ANK2: variants seen among roughly 807,000 people sequenced by gnomAD.
ANK2 encodes the protein ankyrin 2, also known as ankyrin-2.
ANK2 carries 83 observed loss-of-function variants against 360.5 expected under a neutral mutation model. That is an observed-to-expected ratio of 0.23 (90% CI 0.19 to 0.28). ANK2 has a LOEUF of 0.28. Ranked by LOEUF, ANK2 falls within the 10% of genes least tolerant of loss-of-function variation. The pLI, the probability that ANK2 is intolerant of heterozygous loss-of-function variation, is 1.00. For missense variants in ANK2, 4,201 were observed against 4,795.7 expected (o/e 0.88, Z 3.66); for synonymous variants, 1,740 against 1,759.5 (o/e 0.99, Z 0.28).
At chr4:113,243,003 C>T (rs1401868354) in intron 9 of ANK2, among the ~76,000 whole-genome samples, 1 of 152,068 alleles carries the variant, frequency 6.6e-6, no homozygotes, top group Non-Finnish European at 1.5e-5. Flanking sequence ...ATATTATTTA[C>T]CATTTTTGAA....
intron 4 of ANK2, among the ~76,000 whole-genome samples, chr4:113,201,865 A>G (rs2098834850): frequency 6.6e-6 from 1 of 152,232 alleles, no homozygotes; most frequent in Non-Finnish European, 1.5e-5. Context: ...ATGCCAAATT[A>G]TAACAGATCT....
chr4:113,082,587 G>A (rs2082854403), intron 1 of ANK2, among the ~76,000 whole-genome samples: 1 of 152,132 alleles, frequency 6.6e-6, no homozygotes, highest in Non-Finnish European at 1.5e-5. Flanking sequence ...TAGTTATAAT[G>A]CACAATTTTA....
the ANK2 span, among the ~76,000 whole-genome samples, chr4:112,726,047 T>G: frequency 6.6e-6 from 1 of 152,162 alleles, no homozygotes; most frequent in South Asian, 2.1e-4. Context: ...AACACTTCCC[T>G]GATAAGTGAC....
chr4:113,291,700 TA>T (rs1207765968), intron 20 of ANK2, among the ~76,000 whole-genome samples: 1 of 152,170 alleles, frequency 6.6e-6, no homozygotes, highest in Non-Finnish European at 1.5e-5. Context: ...AACATATAGA[TA>T]AAATTTTATG....
the ANK2 span, among the ~76,000 whole-genome samples, chr4:112,708,693 A>T: frequency 3.9e-5 from 6 of 152,164 alleles, no homozygotes; most frequent in Admixed American, 1.3e-4. Flanking sequence ...TGAATTACTT[A>T]TAGGGTCCTT....
Position 113,348,084 on chromosome 4 carries a change from G to T in ANK2, c.4372-192G>T, listed in dbSNP as rs112499588. 3.3e-3 allele frequency: 1,999 copies of T among 608,536 alleles called. 32 individuals carry two copies. The African/African-American group carries it at 0.033, about 10-fold the overall frequency. 37.7% of individuals were successfully genotyped at this position (608,536 alleles called of 1,614,324 possible). ...TTTGTCTCTTGAATCTATAAACTTTGTACTTAAGCCAATCTTCTTTTCTGC... is the reference window on the plus strand; with the variant it reads ...TTTGTCTCTTGAATCTATAAACTTTTTACTTAAGCCAATCTTCTTTTCTGC... On this transcript the variant is annotated intron_variant, in intron 35 of 45. Coordinates refer to ENST00000357077, the MANE Select transcript of ANK2 (RefSeq NM_001148.6).
the ANK2 span, among the ~76,000 whole-genome samples, chr4:112,809,319 T>C: frequency 6.6e-6 from 1 of 150,478 alleles, no homozygotes; most frequent in Non-Finnish European, 1.5e-5. Flanking sequence ...CCCAGCACTT[T>C]GGGAGGCCGA....
intron 2 of ANK2, among the ~76,000 whole-genome samples, chr4:113,010,530 T>C (rs2054376856): frequency 6.6e-6 from 1 of 152,126 alleles, no homozygotes; most frequent in African/African-American, 2.4e-5. Context: ...AGGTCCCTGC[T>C]CTCTGAGAAC....
At chr4:112,907,552 G>A (rs1330239870) in intron 2 of ANK2, among the ~76,000 whole-genome samples, 2 of 152,006 alleles carry the variant, frequency 1.3e-5, no homozygotes, top group African/African-American at 2.4e-5. Flanking sequence ...ATTGAATCTG[G>A]TGGCTCCATT....
At chr4:113,122,008 CTTAAT>C (rs1437565238) in intron 1 of ANK2, among the ~76,000 whole-genome samples, 2 of 151,896 alleles carry the variant, frequency 1.3e-5, no homozygotes, top group African/African-American at 4.8e-5. Context: ...AGTATTTTTT[CTTAAT>C]TTAAAGTGTT....
intron 1 of ANK2, among the ~76,000 whole-genome samples, chr4:113,070,357 A>C (rs377556380): frequency 3.3e-5 from 5 of 152,122 alleles, no homozygotes; most frequent in African/African-American, 1.2e-4. Flanking sequence ...AAAAGTCTGC[A>C]TCATGAAACT....
chr4:113,109,227 T>C (rs747143381), intron 1 of ANK2, among the ~76,000 whole-genome samples: 3 of 152,202 alleles, frequency 2.0e-5, no homozygotes, highest in Non-Finnish European at 4.4e-5. Context: ...CTGCTTTCCT[T>C]ACTCCATCCC....
intron 22 of ANK2, among the ~76,000 whole-genome samples, chr4:113,296,218 A>G (rs2071359856): frequency 1.3e-5 from 2 of 152,198 alleles, no homozygotes; most frequent in Admixed American, 6.5e-5. Context: ...CAACAAAAAG[A>G]AAAACCACTT....
chr4:112,921,814 T>A (rs1314042492), intron 2 of ANK2, among the ~76,000 whole-genome samples: 2 of 152,194 alleles, frequency 1.3e-5, no homozygotes, highest in African/African-American at 4.8e-5. Flanking sequence ...GGATACTACT[T>A]AGAATTTATA....
intron 1 of ANK2, among the ~76,000 whole-genome samples, chr4:112,874,642 CAAAAAAAAA>C (rs1160396405): frequency 2.5e-5 from 2 of 79,606 alleles, no homozygotes; most frequent in Admixed American, 1.4e-4. Flanking sequence ...GACGCCATCT[CAAAAAAAAA>C]AAAAAAAAAA....
At chr4:112,764,174 A>C in the ANK2 span, among the ~76,000 whole-genome samples, 4 of 151,442 alleles carry the variant, frequency 2.6e-5, no homozygotes, top group Non-Finnish European at 4.4e-5. Context: ...TGAACTCCTG[A>C]CCTTGTGATC....
chr4:113,158,950 G>A (rs1325960240), intron 1 of ANK2, among the ~76,000 whole-genome samples: 4 of 151,960 alleles, frequency 2.6e-5, no homozygotes, highest in Admixed American at 2.6e-4. Flanking sequence ...AGTAATTAAA[G>A]CTAGCGTAAT....
In ANK2 at chr4:112,888,455, G is replaced by A. The variant is rs191666829; in HGVS notation, c.-39-16000G>A. Among the ~76,000 whole-genome samples, 826 of 151,808 alleles carry A rather than the reference G, an allele frequency of 5.4e-3. 10 individuals carry two copies. The highest frequency in any genetic ancestry group is 0.019 in the African/African-American group (781 of 41,410). ...TTTTTTGTATTCTGAAAATAACAAG[G>A]GTTTGCATATTAAGATATAATCAAT... On this transcript the variant is annotated intron_variant, in intron 1 of 30. Transcript: ENST00000503271.
At chr4:113,200,812 T>C (rs1233872564) in intron 4 of ANK2, among the ~76,000 whole-genome samples, 2 of 151,032 alleles carry the variant, frequency 1.3e-5, no homozygotes, top group African/African-American at 2.4e-5. Flanking sequence ...TCGCATGTTC[T>C]CACTCATAGG....
Sources: gnomAD v4.1 joint callset for allele counts (sites outside exome capture counted in the v4.1 genomes callset) on GRCh38, gnomAD v4.1.1 for gene constraint, MANE v1.5 for transcripts, NCBI Gene and HGNC (gene_info 2026-07-23, HGNC 2026-07-21) for gene names.